Variants in DYM observed in about 807,000 individuals in gnomAD.
The protein encoded by DYM is dyggve-Melchior-Clausen syndrome protein.
A neutral mutation model predicts 93.1 loss-of-function variants in DYM; 78 were observed. The ratio of observed to expected loss-of-function variants is 0.84; its 90% CI spans 0.70 to 1.01. The LOEUF (loss-of-function observed/expected upper bound fraction) is 1.01. DYM is among the 50% of genes least tolerant of loss of function. DYM has a pLI of 0.00. For synonymous variants in DYM, 321 were observed against 319.7 expected, an observed-to-expected ratio of 1.00 and a Z score of -0.04; for missense variants, 789 against 845.0, an observed-to-expected ratio of 0.93 and a Z score of 0.82.
At chr18:49,169,022 A>G (rs2088296469) in intron 14 of DYM, among the ~76,000 whole-genome samples, 1 of 152,236 alleles carries the variant, frequency 6.6e-6, no homozygotes, top group African/African-American at 2.4e-5. Flanking sequence ...TAAGAAGGCC[A>G]CATGGACCAT....
At chr18:49,210,147 G>A (rs960135882) in intron 13 of DYM, among the ~76,000 whole-genome samples, 4 of 152,136 alleles carry the variant, frequency 2.6e-5, no homozygotes, top group Admixed American at 6.6e-5. Context: ...AATGCAGTTC[G>A]GCAGTTTCTT....
At chr18:49,131,360 G>T (rs1231770067) in intron 15 of DYM, among the ~76,000 whole-genome samples, 1 of 152,028 alleles carries the variant, frequency 6.6e-6, no homozygotes, top group Non-Finnish European at 1.5e-5. Flanking sequence ...GCACAGTCTT[G>T]CTCCACCACG....
intron 13 of DYM, among the ~76,000 whole-genome samples, chr18:49,241,657 T>C (rs947277969): frequency 6.6e-6 from 1 of 152,164 alleles, no homozygotes; most frequent in African/African-American, 2.4e-5. Flanking sequence ...ATGTACCTCT[T>C]TACATAATGC....
intron 15 of DYM, among the ~76,000 whole-genome samples, chr18:49,160,558 C>T (rs956714996): frequency 1.5e-5 from 2 of 136,030 alleles, no homozygotes; most frequent in Admixed American, 1.6e-4. Flanking sequence ...AGAAAGTACA[C>T]GTCGTGAGAC....
chr18:49,074,979 C>T (rs1375782061), intron 17 of DYM, among the ~76,000 whole-genome samples: 1 of 152,176 alleles, frequency 6.6e-6, no homozygotes, highest in Non-Finnish European at 1.5e-5. Flanking sequence ...GCAATGGACT[C>T]ACAGAGTCCT....
At position 49,304,133 on chromosome 18, in the gene DYM, TG is replaced by T. The variant is rs556421122; in HGVS notation, c.764-17518del. Among the ~76,000 whole-genome samples, 158 of 152,380 alleles carry T rather than the reference TG, an allele frequency of 1.0e-3. 1 individual carries two copies. The highest frequency in any genetic ancestry group is 3.7e-3 in the African/African-American group (155 of 41,598). On this transcript the variant is annotated intron_variant, in intron 8 of 17. Coordinates refer to ENST00000675505, the MANE Select transcript of DYM (RefSeq NM_001353214.3). Reference sequence around the variant, plus strand: ...CTATTAACTTCAAAATGGTCAAAGATGGTTTTAGGTTCCCTGGTTAACCCTA... The same window carrying T: ...CTATTAACTTCAAAATGGTCAAAGATGTTTTAGGTTCCCTGGTTAACCCTA...
At chr18:49,070,978 CTG>C (rs1456173708) in intron 17 of DYM, among the ~76,000 whole-genome samples, 4 of 152,126 alleles carry the variant, frequency 2.6e-5, no homozygotes, top group Non-Finnish European at 5.9e-5. Flanking sequence ...TCAATAGGGA[CTG>C]TTAGCAATGA....
At chr18:49,320,170 G>C (rs1182503615) in intron 8 of DYM, among the ~76,000 whole-genome samples, 1 of 152,068 alleles carries the variant, frequency 6.6e-6, no homozygotes, top group East Asian at 1.9e-4. Context: ...ACTTCTGGAA[G>C]GACTAAAGAT....
At chr18:49,423,666 G>A (rs1248572914) in intron 2 of DYM, among the ~76,000 whole-genome samples, 1 of 151,940 alleles carries the variant, frequency 6.6e-6, no homozygotes, top group Non-Finnish European at 1.5e-5. Flanking sequence ...TAATAAAGAA[G>A]AAAAGAGAGA....
rs193177896 is a variant in DYM at position 49,209,843 on chromosome 18, C to T, written c.1461-128G>A. ...AGATGGTGCCCAAGAAAAAAAAAAA[C>T]TGTCAGAATAAAAAGTTAAAAAAGA... On this transcript the variant is annotated intron_variant, in intron 13 of 17. Transcript: ENST00000675505. The T allele has an allele frequency of 5.5e-5, 26 of 473,272 alleles. No individual in the cohort carries two copies. The East Asian group carries it at 2.0e-3, about 37-fold the overall frequency. The allele number at this position is 473,272 out of a possible 1,614,324, so 29.3% of individuals were successfully genotyped here.
At chr18:49,169,653 G>C (rs2088396408) in intron 14 of DYM, among the ~76,000 whole-genome samples, 1 of 152,178 alleles carries the variant, frequency 6.6e-6, no homozygotes, top group African/African-American at 2.4e-5. Flanking sequence ...GTGCCTCTAT[G>C]TCCTAAGCCT....
At chr18:49,374,796 C>T (rs1668365706) in intron 5 of DYM, among the ~76,000 whole-genome samples, 1 of 152,078 alleles carries the variant, frequency 6.6e-6, no homozygotes, top group African/African-American at 2.4e-5. Flanking sequence ...CCTGTCTCTA[C>T]TAAAAATACA....
intron 2 of DYM, among the ~76,000 whole-genome samples, chr18:49,420,266 C>A (rs2148329164): frequency 6.7e-6 from 1 of 148,900 alleles, no homozygotes; most frequent in African/African-American, 2.5e-5. Flanking sequence ...CGCGCGGGTT[C>A]AAGTGACTCT....
At chr18:49,296,193 T>G (rs186378471) in intron 8 of DYM, among the ~76,000 whole-genome samples, 1 of 152,146 alleles carries the variant, frequency 6.6e-6, no homozygotes, top group Non-Finnish European at 1.5e-5. Context: ...CCTCCCAACG[T>G]GCTAGGATTA....
chr18:49,286,341 A>C (rs1337457180), intron 9 of DYM, 93 bp downstream of exon 9: 5 of 1,381,470 alleles, frequency 3.6e-6, no homozygotes, highest in Non-Finnish European at 5.2e-6. Flanking sequence ...CATACAATGG[A>C]CACTCATCTC....
At chr18:49,234,336 A>T (rs1396478302) in intron 13 of DYM, among the ~76,000 whole-genome samples, 1 of 152,124 alleles carries the variant, frequency 6.6e-6, no homozygotes, top group East Asian at 1.9e-4. Context: ...GTATGCCTGT[A>T]GTCCTGGCTA....
chr18:49,289,404 TAAAAAAAAAAAAAAAAA>T (rs56240607), intron 8 of DYM, among the ~76,000 whole-genome samples: 1 of 33,508 alleles, frequency 3.0e-5, no homozygotes, highest in African/African-American at 1.2e-4. Context: ...TACAAATCAG[TAAAAAAAAAAAAAAAAA>T]AAAAAAAAAA....
At chr18:49,425,171 G>A (rs1484282775) in intron 2 of DYM, among the ~76,000 whole-genome samples, 1 of 152,138 alleles carries the variant, frequency 6.6e-6, no homozygotes, top group East Asian at 1.9e-4. Context: ...AACCAAAACA[G>A]CATGGTACTG....
chr18:49,379,285 A>G (rs1332840758), intron 4 of DYM, among the ~76,000 whole-genome samples: 1 of 152,128 alleles, frequency 6.6e-6, no homozygotes, highest in Non-Finnish European at 1.5e-5. Context: ...CATTGATGTA[A>G]AGAATATAAC....
Sources: allele counts gnomAD v4.1 joint callset (sites outside exome capture counted in the v4.1 genomes callset), GRCh38; gene constraint gnomAD v4.1.1; transcripts MANE v1.5; gene names NCBI Gene and HGNC (gene_info 2026-07-23, HGNC 2026-07-21).